The following EIF3H variants were observed in gnomAD, a reference collection of about 807,000 sequenced individuals.
EIF3H encodes eIF-3-gamma.
In EIF3H, 26 loss-of-function variants were observed where a neutral mutation model predicts 44.2. The observed-to-expected ratio is 0.59, with a 90% confidence interval of 0.43 to 0.82. The LOEUF (loss-of-function observed/expected upper bound fraction) is 0.82. Among genes scored for constraint, EIF3H ranks in the 40% least tolerant of loss-of-function variants. EIF3H has a pLI of 0.00. For synonymous variants in EIF3H, 166 were observed against 151.9 expected, an observed-to-expected ratio of 1.09 and a Z score of -0.68; for missense variants, 359 against 432.8, an observed-to-expected ratio of 0.83 and a Z score of 1.51.
intron 2 of EIF3H, among the ~76,000 whole-genome samples, chr8:116,705,789 C>A (rs1814459691): frequency 6.6e-6 from 1 of 151,868 alleles, no homozygotes; most frequent in African/African-American, 2.4e-5. Context: ...CTGGTGAAAT[C>A]CAGATAAAGT....
chr8:116,676,621 G>T (rs988675687), intron 2 of EIF3H, among the ~76,000 whole-genome samples: 1 of 152,186 alleles, frequency 6.6e-6, no homozygotes, highest in African/African-American at 2.4e-5. Context: ...TCTGGATGGG[G>T]TCACAAAGCC....
At chr8:116,730,011 T>C (rs1001212802) in intron 1 of EIF3H, among the ~76,000 whole-genome samples, 2 of 152,246 alleles carry the variant, frequency 1.3e-5, no homozygotes, top group African/African-American at 2.4e-5. Context: ...CATTTTAATA[T>C]AATCTGATAA....
rs993723595 is a variant in EIF3H at position 116,729,775 on chromosome 8, C to T, written c.133-3603G>A. On this transcript the variant is annotated intron_variant, in intron 1 of 7. Coordinates refer to ENST00000521861, the MANE Select transcript of EIF3H (RefSeq NM_003756.3). The stretch of plus-strand genomic sequence containing the variant: ...TGCAAATCTCTCTCTAGGCAAGGGA[C>T]ACTCAAAAAAAGCACTTTCCAAATA... 2.6e-5 allele frequency among the ~76,000 whole-genome samples: 4 copies of T among 152,122 alleles called. No homozygotes were observed. The East Asian group carries it at 7.7e-4, about 29-fold the overall frequency.
chr8:116,697,924 T>C (rs1489397354), intron 2 of EIF3H, among the ~76,000 whole-genome samples: 1 of 152,222 alleles, frequency 6.6e-6, no homozygotes, highest in Non-Finnish European at 1.5e-5. Flanking sequence ...ACCAAGACTT[T>C]TGTGAAAAAT....
intron 2 of EIF3H, among the ~76,000 whole-genome samples, chr8:116,705,463 CA>C: frequency 6.6e-6 from 1 of 150,758 alleles, no homozygotes; most frequent in African/African-American, 2.5e-5. Context: ...TTAGCATCAC[CA>C]GTGATGCCAT....
intron 7 of EIF3H, among the ~76,000 whole-genome samples, chr8:116,645,437 A>C (rs1586428423): frequency 6.6e-6 from 1 of 152,338 alleles, no homozygotes; most frequent in East Asian, 1.9e-4. Context: ...CACAGGTAGA[A>C]AGGAGATACT....
chr8:116,682,132 A>AG (rs2130845618), intron 2 of EIF3H, among the ~76,000 whole-genome samples: 1 of 152,340 alleles, frequency 6.6e-6, no homozygotes, highest in East Asian at 1.9e-4. Context: ...TTATACTCAA[A>AG]GGATCAGGCC....
rs73701453 is a variant in EIF3H at position 116,653,103 on chromosome 8, C to T, written c.707+2753G>A. Among the ~76,000 whole-genome samples, 1,285 of 152,106 alleles carry T rather than the reference C, an allele frequency of 8.4e-3. 22 individuals are homozygous for T. The highest frequency in any genetic ancestry group is 0.03 in the African/African-American group (1,233 of 41,500). ...AATAACAGCACAGGAGAGGTACTGCCATATGCAGAGAAAATACACCTAGAC... is the reference window on the plus strand; with the variant it reads ...AATAACAGCACAGGAGAGGTACTGCTATATGCAGAGAAAATACACCTAGAC... On this transcript the variant is annotated intron_variant, in intron 5 of 7. Coordinates refer to ENST00000521861, the MANE Select transcript of EIF3H (RefSeq NM_003756.3).
chr8:116,708,941 T>C (rs1282924268), intron 2 of EIF3H, among the ~76,000 whole-genome samples: 1 of 151,896 alleles, frequency 6.6e-6, no homozygotes, highest in Non-Finnish European at 1.5e-5. Flanking sequence ...AAGGTTTGCC[T>C]AGCTGTTGAA....
intron 2 of EIF3H, among the ~76,000 whole-genome samples, chr8:116,716,343 C>T (rs1255948415): frequency 1.3e-5 from 2 of 152,014 alleles, no homozygotes; most frequent in African/African-American, 4.8e-5. Flanking sequence ...TGAATTACAA[C>T]TTAATATGTG....
intron 2 of EIF3H, among the ~76,000 whole-genome samples, chr8:116,678,247 G>A (rs1413405714): frequency 6.6e-5 from 10 of 151,924 alleles, no homozygotes; most frequent in Non-Finnish European, 1.3e-4. Context: ...CGCCAGCCTC[G>A]GCCTCCCGAG....
At chr8:116,680,973 T>TA (rs11369605) in intron 2 of EIF3H, among the ~76,000 whole-genome samples, 23,564 of 146,510 alleles carry the variant, frequency 0.16, 2,643 homozygotes, top group African/African-American at 0.33. Context: ...ATTTATAAAT[T>TA]AAAAAAAAAA....
At chr8:116,716,851 A>T (rs908942220) in intron 2 of EIF3H, among the ~76,000 whole-genome samples, 1 of 152,086 alleles carries the variant, frequency 6.6e-6, no homozygotes, top group South Asian at 2.1e-4. Flanking sequence ...TGGACAACAG[A>T]TTAAAAATCT....
intron 2 of EIF3H, among the ~76,000 whole-genome samples, chr8:116,701,845 A>G (rs1563646662): frequency 1.3e-5 from 2 of 152,224 alleles, no homozygotes; most frequent in Admixed American, 6.5e-5. Flanking sequence ...TGCATCCTAC[A>G]TCAACAGAAA....
intron 2 of EIF3H, among the ~76,000 whole-genome samples, chr8:116,684,390 TGAAGATC>T (rs1405452715): frequency 6.6e-6 from 1 of 152,198 alleles, no homozygotes; most frequent in Non-Finnish European, 1.5e-5. Context: ...CCCCCTAAAG[TGAAGATC>T]TAGAATGAAC....
chr8:116,741,588 G>A (rs1168237326), intron 1 of EIF3H, among the ~76,000 whole-genome samples: 1 of 152,182 alleles, frequency 6.6e-6, no homozygotes, highest in Non-Finnish European at 1.5e-5. Flanking sequence ...TTGAAGAAGA[G>A]GTCAGGCAGG....
intron 7 of EIF3H, 60 bp downstream of exon 7, chr8:116,646,411 T>C: frequency 6.2e-7 from 1 of 1,609,502 alleles, no homozygotes; most frequent in Non-Finnish European, 8.5e-7. Flanking sequence ...AATTTCTCAC[T>C]GTCTTCTGCT....
intron 2 of EIF3H, among the ~76,000 whole-genome samples, chr8:116,709,678 T>C (rs1301278266): frequency 6.6e-6 from 1 of 152,200 alleles, no homozygotes; most frequent in Non-Finnish European, 1.5e-5. Context: ...TGTCTTTAAG[T>C]AGTTAAATGT....
chr8:116,738,255 C>T (rs576162112), intron 1 of EIF3H, among the ~76,000 whole-genome samples: 1 of 152,110 alleles, frequency 6.6e-6, no homozygotes, highest in East Asian at 1.9e-4. Context: ...GACAGTACTA[C>T]TGAGTTGACA....
Sources: gnomAD v4.1 joint callset for allele counts (sites outside exome capture counted in the v4.1 genomes callset) on GRCh38, gnomAD v4.1.1 for gene constraint, MANE v1.5 for transcripts, NCBI Gene and HGNC (gene_info 2026-07-23, HGNC 2026-07-21) for gene names.